The following MYRIP variants were observed in gnomAD, a reference collection of about 807,000 sequenced individuals.
MYRIP encodes rab effector MyRIP.
A neutral mutation model predicts 98.0 loss-of-function variants in MYRIP; 49 were observed. The ratio of observed to expected loss-of-function variants is 0.50; its 90% CI spans 0.40 to 0.63. The LOEUF is 0.63. Ranked by LOEUF, MYRIP falls within the 30% of genes least tolerant of loss-of-function variation. The pLI, the probability that MYRIP is intolerant of heterozygous loss-of-function variation, is 0.00. For missense variants in MYRIP, 1,004 were observed against 1,058.2 expected, an observed-to-expected ratio of 0.95 and a Z score of 0.71; for synonymous variants, 404 against 409.5, an observed-to-expected ratio of 0.99 and a Z score of 0.16.
intron 2 of MYRIP, among the ~76,000 whole-genome samples, chr3:40,032,332 G>A (rs867144676): frequency 1.2e-3 from 178 of 152,130 alleles, no homozygotes; most frequent in African/African-American, 4.1e-3. Context: ...GTAGTTGAGC[G>A]GTTTTGAGTG....
In MYRIP at chr3:40,259,685, C is replaced by A. The variant is rs1204068958; in HGVS notation, c.*1519C>A. On this transcript the variant is annotated 3_prime_UTR_variant, in exon 17 of 17. Transcript: ENST00000302541. ...GCTATGATCCACTCCTGATGGGGGTCTACATTAATCTTCCAGTACTCCTTG... is the reference window on the plus strand; with the variant it reads ...GCTATGATCCACTCCTGATGGGGGTATACATTAATCTTCCAGTACTCCTTG... 1 of 152,212 alleles carries A rather than the reference C, an allele frequency of 6.6e-6. No homozygotes were observed. Among genetic ancestry groups the A allele is most frequent in the Non-Finnish European group, 1.5e-5 (1 of 68,034 alleles). 9.4% of individuals were successfully genotyped at this position (152,212 alleles called of 1,614,324 possible). A position where few individuals can be genotyped will look rare whatever the true frequency, so the allele number is the denominator to read the frequency against.
At chr3:40,133,365 T>C (rs965579735) in intron 3 of MYRIP, among the ~76,000 whole-genome samples, 1 of 152,220 alleles carries the variant, frequency 6.6e-6, no homozygotes, top group East Asian at 1.9e-4. Context: ...CCTGATGTAA[T>C]AAGACAAACA....
intron 3 of MYRIP, among the ~76,000 whole-genome samples, chr3:40,101,820 T>A (rs565450919): frequency 6.6e-6 from 1 of 152,328 alleles, no homozygotes; most frequent in South Asian, 2.1e-4. Flanking sequence ...TTGGTATTTA[T>A]CTTTAACGAT....
At chr3:40,128,791 G>T (rs1484475708) in intron 3 of MYRIP, among the ~76,000 whole-genome samples, 1 of 152,076 alleles carries the variant, frequency 6.6e-6, no homozygotes, top group Non-Finnish European at 1.5e-5. Flanking sequence ...AAATCATCAA[G>T]GTCGTTTTAA....
intron 1 of MYRIP, among the ~76,000 whole-genome samples, chr3:39,876,746 C>G (rs1205759870): frequency 6.6e-6 from 1 of 152,056 alleles, no homozygotes; most frequent in African/African-American, 2.4e-5. Context: ...TGAGGGTAAC[C>G]CGACTTTTCT....
intron 2 of MYRIP, among the ~76,000 whole-genome samples, chr3:39,933,776 G>T (rs1944594723): frequency 6.6e-6 from 1 of 152,202 alleles, no homozygotes; most frequent in African/African-American, 2.4e-5. Context: ...ACCAGGCATT[G>T]TGCTAGAGAC....
At chr3:40,042,268 T>A (rs1282682304) in intron 2 of MYRIP, among the ~76,000 whole-genome samples, 2 of 118,412 alleles carry the variant, frequency 1.7e-5, no homozygotes, top group Non-Finnish European at 3.5e-5. Context: ...AAAGCAAGCA[T>A]ATAATAAAGA....
chr3:40,245,510 G>A (rs1318666748), intron 13 of MYRIP, among the ~76,000 whole-genome samples: 1 of 151,762 alleles, frequency 6.6e-6, no homozygotes, highest in Admixed American at 6.6e-5. Context: ...TTAGCCGGGA[G>A]TGGTGGCGGG....
intron 3 of MYRIP, among the ~76,000 whole-genome samples, chr3:40,129,193 T>TGG (rs1172126266): frequency 6.6e-6 from 1 of 151,658 alleles, no homozygotes; most frequent in Non-Finnish European, 1.5e-5. Flanking sequence ...TCCCAGCACT[T>TGG]TGGGAGGCTG....
chr3:40,013,634 C>G (rs1259699357), intron 2 of MYRIP, among the ~76,000 whole-genome samples: 2 of 152,204 alleles, frequency 1.3e-5, no homozygotes, highest in African/African-American at 4.8e-5. Flanking sequence ...GATTCCAGCC[C>G]AGGCTTAACC....
At chr3:39,985,256 T>C (rs1348771445) in intron 2 of MYRIP, among the ~76,000 whole-genome samples, 93 of 144,762 alleles carry the variant, frequency 6.4e-4, no homozygotes, top group Admixed American at 1.1e-3. Context: ...ACAAGGGACG[T>C]GAAGGACCTC....
intron 2 of MYRIP, among the ~76,000 whole-genome samples, chr3:40,027,497 C>G (rs964547311): frequency 1.3e-5 from 2 of 152,102 alleles, no homozygotes; most frequent in African/African-American, 4.8e-5. Flanking sequence ...TTCCATTGGA[C>G]TAGCTCCTTC....
intron 1 of MYRIP, among the ~76,000 whole-genome samples, chr3:39,814,201 G>T (rs983566546): frequency 6.6e-6 from 1 of 152,108 alleles, no homozygotes; most frequent in Non-Finnish European, 1.5e-5. Flanking sequence ...GCTCTCCTAG[G>T]TTTGGCAGGT....
chr3:40,158,309 A>C (rs1271493799), intron 4 of MYRIP, among the ~76,000 whole-genome samples: 2 of 152,110 alleles, frequency 1.3e-5, no homozygotes, highest in South Asian at 2.1e-4. Context: ...AGCGGTTTTG[A>C]GTGAGATTCT....
intron 2 of MYRIP, among the ~76,000 whole-genome samples, chr3:39,991,308 T>C (rs1946169740): frequency 6.6e-6 from 1 of 152,160 alleles, no homozygotes; most frequent in South Asian, 2.1e-4. Context: ...TAAAACCAGA[T>C]GGAAATGTAG....
intron 3 of MYRIP, among the ~76,000 whole-genome samples, chr3:40,066,009 C>T (rs531649785): frequency 1.3e-5 from 2 of 152,144 alleles, no homozygotes; most frequent in Non-Finnish European, 2.9e-5. Flanking sequence ...TCTGCTCCTG[C>T]CATGAACTCT....
intron 3 of MYRIP, among the ~76,000 whole-genome samples, chr3:40,122,525 C>G (rs556176745): frequency 6.6e-6 from 1 of 151,578 alleles, no homozygotes; most frequent in South Asian, 2.1e-4. Flanking sequence ...TTTTGTCGTA[C>G]TTTTTTCTAC....
chr3:39,950,192 A>T (rs1431734831), intron 2 of MYRIP, among the ~76,000 whole-genome samples: 1 of 152,172 alleles, frequency 6.6e-6, no homozygotes, highest in Non-Finnish European at 1.5e-5. Context: ...ATATAACCTC[A>T]TTAGAGCACA....
chr3:40,026,981 C>A (rs1320187433), intron 2 of MYRIP, among the ~76,000 whole-genome samples: 3 of 152,114 alleles, frequency 2.0e-5, no homozygotes, highest in Admixed American at 6.6e-5. Flanking sequence ...CTCATCCATT[C>A]CCCTATGTGT....
Sources: gnomAD v4.1 joint callset for allele counts (sites outside exome capture counted in the v4.1 genomes callset) on GRCh38, gnomAD v4.1.1 for gene constraint, MANE v1.5 for transcripts, NCBI Gene and HGNC (gene_info 2026-07-23, HGNC 2026-07-21) for gene names.